Variants in ZNF799 observed in about 807,000 individuals in gnomAD.
ZNF799 encodes the protein zinc finger protein 14.
Under a neutral mutation model 41.0 loss-of-function variants are expected in ZNF799, and 28 were observed. That is an observed-to-expected ratio of 0.68 (90% CI 0.51 to 0.94). The LOEUF (loss-of-function observed/expected upper bound fraction) is 0.94. Ranked by LOEUF, ZNF799 falls within the 40% of genes least tolerant of loss-of-function variation. ZNF799 has a pLI of 0.00. For missense variants in ZNF799, 716 were observed against 764.3 expected, an observed-to-expected ratio of 0.94 and a Z score of 0.74; for synonymous variants, 213 against 252.9, an observed-to-expected ratio of 0.84 and a Z score of 1.50.
intron 1 of ZNF799, among the ~76,000 whole-genome samples, chr19:12,399,177 T>A (rs190453663): frequency 6.6e-6 from 1 of 152,210 alleles, no homozygotes; most frequent in East Asian, 1.9e-4. Context: ...CACAGAAAAG[T>A]CTAATGCAAC....
chr19:12,390,249 C>A lies in ZNF799; in HGVS notation c.*217G>T. The A allele has an allele frequency of 4.6e-6, 4 of 867,744 alleles. No individual in the cohort carries two copies. Among genetic ancestry groups the A allele is most frequent in the Non-Finnish European group, 7.0e-6 (4 of 570,662 alleles). The allele number at this position is 867,744 out of a possible 1,614,324, so 53.8% of individuals were successfully genotyped here. A position where few individuals can be genotyped will look rare whatever the true frequency, so the allele number is the denominator to read the frequency against. ...GTGGGTAAGTTACATACAAATATGT[C>A]ATTTTATAAAAGGGACTGGACATGG... On this transcript the variant is annotated 3_prime_UTR_variant, in exon 4 of 4. Coordinates refer to ENST00000430385, the MANE Select transcript of ZNF799 (RefSeq NM_001080821.3).
At chr19:12,409,343 A>G in the ZNF799 span, among the ~76,000 whole-genome samples, 4 of 152,148 alleles carry the variant, frequency 2.6e-5, no homozygotes, top group Admixed American at 1.3e-4. Context: ...CCCGGTTCCT[A>G]ACCAGCTACA....
the ZNF799 span, among the ~76,000 whole-genome samples, chr19:12,410,726 G>GA: frequency 1.3e-5 from 2 of 149,682 alleles, no homozygotes; most frequent in Admixed American, 6.6e-5. Context: ...AGCCAACTCA[G>GA]AAAAAAAAAG....
intron 1 of ZNF799, chr19:12,395,160 G>A (rs1179290775): frequency 6.2e-5 from 3 of 48,462 alleles, no homozygotes; most frequent in Non-Finnish European, 1.2e-4. Flanking sequence ...TTTTTTTTTT[G>A]AGACGGAGTC....
intron 1 of ZNF799, chr19:12,400,853 G>A (rs1969970125): frequency 2.6e-6 from 2 of 760,662 alleles, no homozygotes; most frequent in Non-Finnish European, 4.1e-6. Flanking sequence ...AGGGCGCCGG[G>A]GCCGCAGTCG....
intron 1 of ZNF799, among the ~76,000 whole-genome samples, chr19:12,398,886 A>C (rs1969937918): frequency 6.6e-6 from 1 of 152,182 alleles, no homozygotes; most frequent in Non-Finnish European, 1.5e-5. Flanking sequence ...ATACTACACA[A>C]GCTCTGGGGC....
chr19:12,399,619 A>G (rs1456046883), intron 1 of ZNF799, among the ~76,000 whole-genome samples: 1 of 147,186 alleles, frequency 6.8e-6, no homozygotes, highest in Non-Finnish European at 1.5e-5. Flanking sequence ...AGACCCTCCA[A>G]GAGACTTGGC....
chr19:12,408,260 A>G, the ZNF799 span, among the ~76,000 whole-genome samples: 1 of 152,230 alleles, frequency 6.6e-6, no homozygotes, highest in Non-Finnish European at 1.5e-5. Context: ...ATTTCATTTC[A>G]CATAGTAATA....
Position 12,391,459 on chromosome 19 carries a change from T to C in ZNF799, c.939A>G (p.Gln313=), listed in dbSNP as rs778795622. 3.1e-6 allele frequency: 5 copies of C among 1,613,966 alleles called. No individual in the cohort carries two copies. In the South Asian group the frequency reaches 4.4e-5, roughly 14 times the overall value. ...HTDEKPYACQ[Q]CGKAFHHLGS... ...CCAGATGATGAAACGCTTTCCCACA[T>C]TGCTGACATGCATAGGGTTTCTCAT... The change falls in exon 4 of 4, where the codon CAA becomes CAG. Residue 313 remains glutamine, a synonymous_variant. Coordinates refer to ENST00000430385, the MANE Select transcript of ZNF799 (RefSeq NM_001080821.3).
chr19:12,398,238 AAC>A (rs1969929146), intron 1 of ZNF799: 1 of 149,714 alleles, frequency 6.7e-6, no homozygotes, highest in Non-Finnish European at 1.5e-5. Context: ...CAGCCTGGAC[AAC>A]AGAGTGAGAC....
the ZNF799 span, among the ~76,000 whole-genome samples, chr19:12,410,291 A>G: frequency 1.6e-5 from 2 of 125,978 alleles, no homozygotes; most frequent in Non-Finnish European, 3.3e-5. Context: ...ATATATATAT[A>G]TATATATCTT....
the ZNF799 span, among the ~76,000 whole-genome samples, chr19:12,407,862 T>C: frequency 6.6e-6 from 1 of 152,110 alleles, no homozygotes; most frequent in African/African-American, 2.4e-5. Flanking sequence ...ACTGGTAAAA[T>C]TTAAGAAACA....
intron 1 of ZNF799, chr19:12,394,733 C>G (rs1188331384): frequency 1.0e-6 from 1 of 984,816 alleles, no homozygotes; most frequent in Non-Finnish European, 1.2e-6. Flanking sequence ...ATTTATAATA[C>G]TTACTAAGAA....
At chr19:12,412,391 T>C in the ZNF799 span, among the ~76,000 whole-genome samples, 1 of 152,240 alleles carries the variant, frequency 6.6e-6, no homozygotes, top group African/African-American at 2.4e-5. Flanking sequence ...GTAAATGCAC[T>C]GTTTCTATTA....
rs762007998 is a variant in ZNF799, at chr19:12,390,668, C to G, written c.1730G>C (p.Gly577Ala). 1.2e-6 allele frequency: 2 copies of G among 1,612,830 alleles called. No individual in the cohort carries two copies. Among genetic ancestry groups the G allele is most frequent in the African/African-American group, 2.7e-5 (2 of 74,594 alleles). ...KAFTHSRFLQ[G>A]HEKTHTGENP... Reference sequence around the variant, plus strand: ...CTCTCCAGTATGAGTTTTTTCATGTCCTTGAAGAAAACGGGAATGAGTGAA... The same window carrying G: ...CTCTCCAGTATGAGTTTTTTCATGTGCTTGAAGAAAACGGGAATGAGTGAA... The change falls in exon 4 of 4, where the codon GGA becomes GCA. Residue 577 changes from glycine (G) to alanine (A), a missense_variant. By Grantham distance (60) the Gly-to-Ala change is moderately conservative (BLOSUM62 0). Coordinates refer to ENST00000430385, the MANE Select transcript of ZNF799 (RefSeq NM_001080821.3).
At chr19:12,411,192 T>A in the ZNF799 span, among the ~76,000 whole-genome samples, 7 of 152,192 alleles carry the variant, frequency 4.6e-5, no homozygotes, top group Non-Finnish European at 8.8e-5. Flanking sequence ...CTTCATCTGC[T>A]TGAACTTGGA....
the ZNF799 span, among the ~76,000 whole-genome samples, chr19:12,408,306 G>T: frequency 7.2e-5 from 11 of 151,952 alleles, no homozygotes; most frequent in Non-Finnish European, 1.5e-4. Context: ...AAAGAAAATG[G>T]AATCATATTA....
Position 12,401,214 on chromosome 19 carries a change from A to C in ZNF799, c.-144T>G. Reference sequence around the variant, plus strand: ...CCGAGCGCCCAGCGCAGGTGGGTGGAGAAGACGCCGCGGGCTTTTTCAACC... The same window carrying C: ...CCGAGCGCCCAGCGCAGGTGGGTGGCGAAGACGCCGCGGGCTTTTTCAACC... On this transcript the variant is annotated 5_prime_UTR_variant, in exon 1 of 4. Transcript: ENST00000430385. 6.6e-7 allele frequency: 1 copy of C among 1,516,812 alleles called. No homozygotes were observed. The highest frequency in any genetic ancestry group is 8.8e-7 in the Non-Finnish European group (1 of 1,132,090). 94.0% of individuals were successfully genotyped at this position (1,516,812 alleles called of 1,614,324 possible).
the ZNF799 span, among the ~76,000 whole-genome samples, chr19:12,406,544 G>T: frequency 2.0e-5 from 3 of 151,250 alleles, no homozygotes; most frequent in Non-Finnish European, 4.4e-5. Context: ...CAAGGTAAAA[G>T]CAATGATGAA....
Sources: gnomAD v4.1 joint callset for allele counts (sites outside exome capture counted in the v4.1 genomes callset) on GRCh38, gnomAD v4.1.1 for gene constraint, MANE v1.5 for transcripts, NCBI Gene and HGNC (gene_info 2026-07-23, HGNC 2026-07-21) for gene names.